The following RBFOX1 variants were observed in gnomAD, a reference collection of about 807,000 sequenced individuals.
The protein encoded by RBFOX1 is RNA binding protein fox-1 homolog 1.
In RBFOX1, 8 loss-of-function variants were observed where a neutral mutation model predicts 57.7. That is an observed-to-expected ratio of 0.14 (90% CI 0.08 to 0.25). The LOEUF (loss-of-function observed/expected upper bound fraction) is 0.25, where lower values mean the gene tolerates loss of function less well. Among genes scored for constraint, RBFOX1 ranks in the 10% least tolerant of loss-of-function variants. The pLI, the probability that RBFOX1 is intolerant of heterozygous loss-of-function variation, is 1.00. For missense variants in RBFOX1, 611 were observed against 548.5 expected, an observed-to-expected ratio of 1.11 and a Z score of -1.14; for synonymous variants, 326 against 222.4, an observed-to-expected ratio of 1.47 and a Z score of -4.15.
intron 1 of RBFOX1, among the ~76,000 whole-genome samples, chr16:6,315,493 A>G (rs2152773045): frequency 6.7e-6 from 1 of 149,046 alleles, no homozygotes; most frequent in East Asian, 2.0e-4. Flanking sequence ...GGGTAGGTAG[A>G]TAGGTGGATG....
intron 2 of RBFOX1, among the ~76,000 whole-genome samples, chr16:6,475,599 T>C (rs1204880651): frequency 1.3e-5 from 2 of 152,214 alleles, no homozygotes; most frequent in African/African-American, 4.8e-5. Context: ...ATAAATCGTA[T>C]GTTCTCCCAT....
At chr16:5,420,056 G>A (rs2067269863) in intron 1 of RBFOX1, among the ~76,000 whole-genome samples, 1 of 152,150 alleles carries the variant, frequency 6.6e-6, no homozygotes, top group Non-Finnish European at 1.5e-5. Flanking sequence ...TGCCCATATA[G>A]CCTGCAGAAC....
intron 4 of RBFOX1, among the ~76,000 whole-genome samples, chr16:7,246,060 A>G (rs1459738998): frequency 6.6e-6 from 1 of 152,192 alleles, no homozygotes; most frequent in Non-Finnish European, 1.5e-5. Flanking sequence ...TAATTCCACA[A>G]CTGTTAAGTA....
At chr16:6,622,320 AT>A (rs2098244708) in intron 2 of RBFOX1, among the ~76,000 whole-genome samples, 1 of 152,106 alleles carries the variant, frequency 6.6e-6, no homozygotes, top group Non-Finnish European at 1.5e-5. Flanking sequence ...CAGATGTATA[AT>A]TTTTTATCTT....
intron 12 of RBFOX1, among the ~76,000 whole-genome samples, chr16:7,659,274 T>A (rs1240239020): frequency 6.6e-6 from 1 of 152,192 alleles, no homozygotes; most frequent in Non-Finnish European, 1.5e-5. Context: ...ATAGATCCTT[T>A]GGAAATGTTT....
chr16:7,350,992 A>C (rs1159921755), intron 4 of RBFOX1, among the ~76,000 whole-genome samples: 1 of 152,234 alleles, frequency 6.6e-6, no homozygotes, highest in Non-Finnish European at 1.5e-5. Context: ...GGCTCTATCA[A>C]AGCTGTAAGC....
intron 2 of RBFOX1, among the ~76,000 whole-genome samples, chr16:6,608,202 T>A (rs1426566955): frequency 6.6e-6 from 1 of 152,172 alleles, no homozygotes; most frequent in African/African-American, 2.4e-5. Flanking sequence ...GTATCATCAT[T>A]TTTTCTCAAA....
chr16:5,745,637 A>G (rs996302949), intron 3 of RBFOX1, among the ~76,000 whole-genome samples: 1 of 152,172 alleles, frequency 6.6e-6, no homozygotes, highest in Non-Finnish European at 1.5e-5. Flanking sequence ...TCGCCATTGT[A>G]ACTGGTGTGA....
At chr16:6,587,281 G>C (rs1053646155) in intron 2 of RBFOX1, among the ~76,000 whole-genome samples, 14 of 129,944 alleles carry the variant, frequency 1.1e-4, no homozygotes, top group African/African-American at 3.6e-4. Flanking sequence ...GTATTTTTCT[G>C]AGTTTGGCCT....
intron 1 of RBFOX1, among the ~76,000 whole-genome samples, chr16:6,113,035 C>A (rs1004210821): frequency 6.6e-6 from 1 of 152,088 alleles, no homozygotes; most frequent in Non-Finnish European, 1.5e-5. Flanking sequence ...TGTAACAAAC[C>A]ATCCTAAAGC....
At chr16:7,512,665 A>G (rs2075409059) in intron 4 of RBFOX1, among the ~76,000 whole-genome samples, 1 of 152,196 alleles carries the variant, frequency 6.6e-6, no homozygotes, top group Admixed American at 6.5e-5. Context: ...GTTTGCCAGA[A>G]TTGCACAACT....
At chr16:7,212,131 T>C (rs2091262188) in intron 4 of RBFOX1, among the ~76,000 whole-genome samples, 1 of 152,088 alleles carries the variant, frequency 6.6e-6, no homozygotes. Context: ...GGAAGGTGGA[T>C]AGGATTCATT....
chr16:7,281,445 T>C (rs544051578), intron 4 of RBFOX1, among the ~76,000 whole-genome samples: 54 of 152,196 alleles, frequency 3.5e-4, no homozygotes, highest in African/African-American at 1.3e-3. Flanking sequence ...AGTCCTCTCT[T>C]CTATAAAACA....
At chr16:6,233,929 A>C (rs1336653580) in intron 1 of RBFOX1, among the ~76,000 whole-genome samples, 2 of 152,336 alleles carry the variant, frequency 1.3e-5, no homozygotes, top group South Asian at 4.1e-4. Flanking sequence ...GATAAAGAAC[A>C]GAAATGTATT....
chr16:6,165,524 G>T (rs1002245635), intron 1 of RBFOX1, among the ~76,000 whole-genome samples: 1 of 152,164 alleles, frequency 6.6e-6, no homozygotes, highest in Admixed American at 6.5e-5. Flanking sequence ...AAGATAACAC[G>T]TTTGCCCTCT....
chr16:5,361,927 C>T (rs1373135049), intron 1 of RBFOX1, among the ~76,000 whole-genome samples: 1 of 152,196 alleles, frequency 6.6e-6, no homozygotes, highest in East Asian at 1.9e-4. Context: ...ATGGTTTGGA[C>T]AGCAGGCAGA....
intron 3 of RBFOX1, among the ~76,000 whole-genome samples, chr16:5,728,256 A>G (rs1023920573): frequency 6.6e-6 from 1 of 152,102 alleles, no homozygotes; most frequent in African/African-American, 2.4e-5. Context: ...AGATACACAC[A>G]TAGTGGAATA....
intron 2 of RBFOX1, among the ~76,000 whole-genome samples, chr16:5,472,140 C>T (rs550417577): frequency 2.0e-5 from 3 of 152,256 alleles, no homozygotes; most frequent in African/African-American, 7.2e-5. Context: ...TATCACGGCT[C>T]TCTCCCTGCC....
intron 2 of RBFOX1, among the ~76,000 whole-genome samples, chr16:6,376,662 C>T (rs1016483795): frequency 3.3e-5 from 5 of 152,118 alleles, no homozygotes; most frequent in Non-Finnish European, 7.3e-5. Context: ...TAGGGCCCAA[C>T]TAATGGTTTC....
Sources: allele counts gnomAD v4.1 joint callset (sites outside exome capture counted in the v4.1 genomes callset), GRCh38; gene constraint gnomAD v4.1.1; transcripts MANE v1.5; gene names NCBI Gene and HGNC (gene_info 2026-07-23, HGNC 2026-07-21).